PACRGL: variants seen among roughly 807,000 people sequenced by gnomAD.
PACRGL encodes PACRG-like protein.
A neutral mutation model predicts 34.5 loss-of-function variants in PACRGL; 38 were observed. The observed-to-expected ratio is 1.10, with a 90% CI of 0.85 to 1.44. The LOEUF is 1.44. Among genes scored for constraint, PACRGL ranks in the 40% most tolerant of loss-of-function variants. The pLI is 0.00. For synonymous variants in PACRGL, 128 were observed against 100.1 expected, an observed-to-expected ratio of 1.28 and a Z score of -1.66; for missense variants, 305 against 281.4, an observed-to-expected ratio of 1.08 and a Z score of -0.60.
At chr4:20,736,827 C>T (rs59886929), downstream of PACRGL, among the ~76,000 whole-genome samples, 760 of 152,202 alleles carry the variant, frequency 5.0e-3, 8 homozygotes, top group African/African-American at 0.017. Context: ...ATTCATATTG[C>T]AAGGGACCCT....
intron 7 of PACRGL, among the ~76,000 whole-genome samples, chr4:20,723,892 C>G (rs1456396360): frequency 1.3e-5 from 2 of 152,110 alleles, no homozygotes; most frequent in African/African-American, 2.4e-5. Flanking sequence ...AACTATGAGA[C>G]AGACACCACT....
chr4:20,704,654 T>A lies in PACRGL; in HGVS notation c.53-6T>A, dbSNP rs2149046619. On this transcript the variant is annotated splice_polypyrimidine_tract_variant and splice_region_variant and intron_variant, in intron 2 of 8. Coordinates refer to ENST00000503585, the MANE Select transcript of PACRGL (RefSeq NM_001258345.3). ...TGGTTTCTATTGATGTTCTGTTTTT[T>A]TCCAGGTAACTATGATCAAAGGACA... The A allele has an allele frequency of 3.7e-6, 6 of 1,614,068 alleles. No individual in the cohort carries two copies. Among genetic ancestry groups the A allele is most frequent in the Non-Finnish European group, 5.1e-6 (6 of 1,179,940 alleles).
At chr4:20,760,101 C>G in the PACRGL span, among the ~76,000 whole-genome samples, 1 of 152,148 alleles carries the variant, frequency 6.6e-6, no homozygotes, top group Non-Finnish European at 1.5e-5. Context: ...CACACACTTC[C>G]AACTAGTGTT....
chr4:20,743,490 G>A (rs1474434113), intron 8 of PACRGL, among the ~76,000 whole-genome samples: 3 of 152,118 alleles, frequency 2.0e-5, no homozygotes, highest in Non-Finnish European at 4.4e-5. Context: ...TCTGATCTTT[G>A]ACAAACCTGA....
At chr4:20,743,611 A>G (rs958078519) in intron 8 of PACRGL, among the ~76,000 whole-genome samples, 1 of 152,232 alleles carries the variant, frequency 6.6e-6, no homozygotes, top group Non-Finnish European at 1.5e-5. Flanking sequence ...CTTTATACAA[A>G]AATTAATTCA....
In PACRGL at chr4:20,738,129, C is replaced by CAAAA. The variant is rs200429048; in HGVS notation, c.*56+10745_*56+10748dup. 6.1e-5 allele frequency among the ~76,000 whole-genome samples: 7 copies of CAAAA among 115,560 alleles called. No individual in the cohort carries two copies. In the East Asian group the frequency reaches 1.0e-3, roughly 17 times the overall value. The allele number at this position is 115,560 out of a possible 152,430, so 75.8% of individuals were successfully genotyped here. ...TGGATGACAGACCAAGACTCTGTCT[C>CAAAA]AAAAAAAAAAAAAAAATCCTTAGCT... On this transcript the variant is annotated intron_variant, in intron 8 of 8. Coordinates refer to the PACRGL transcript ENST00000507634.
chr4:20,741,504 A>G (rs1238884689), intron 8 of PACRGL, among the ~76,000 whole-genome samples: 1 of 152,252 alleles, frequency 6.6e-6, no homozygotes, highest in Non-Finnish European at 1.5e-5. Context: ...AGAAATAAAG[A>G]TGTTCTTTGA....
chr4:20,744,530 C>T (rs1370447894), intron 8 of PACRGL, among the ~76,000 whole-genome samples: 2 of 151,998 alleles, frequency 1.3e-5, no homozygotes, highest in Admixed American at 1.3e-4. Context: ...GAAAACCAAA[C>T]ACCGCATGTT....
intron 8 of PACRGL, among the ~76,000 whole-genome samples, chr4:20,751,411 G>T (rs568390715): frequency 6.6e-6 from 1 of 152,148 alleles, no homozygotes; most frequent in Non-Finnish European, 1.5e-5. Context: ...TCAAGAATTG[G>T]CAGCCTATTT....
At chr4:20,759,336 C>T in the PACRGL span, among the ~76,000 whole-genome samples, 1 of 152,162 alleles carries the variant, frequency 6.6e-6, no homozygotes, top group South Asian at 2.1e-4. Context: ...TCTAGTGGCT[C>T]AAGAAGCTTC....
At chr4:20,716,516 A>T (rs1356576616) in intron 7 of PACRGL, among the ~76,000 whole-genome samples, 1 of 152,072 alleles carries the variant, frequency 6.6e-6, no homozygotes, top group East Asian at 1.9e-4. Flanking sequence ...CTGGTGTGTG[A>T]TGTTCCCCTT....
rs1452347409 is a variant in PACRGL at position 20,728,732 on chromosome 4, A to G, written c.*1391A>G. The stretch of plus-strand genomic sequence containing the variant: ...ATGTATTGTACTACTCTTAATTTCT[A>G]CACTGGTGATAGCAGGGCAGCTTTC... On this transcript the variant is annotated 3_prime_UTR_variant, in exon 9 of 9. Coordinates refer to ENST00000503585, the MANE Select transcript of PACRGL (RefSeq NM_001258345.3). 2 of 152,616 alleles carry G rather than the reference A, an allele frequency of 1.3e-5. No homozygotes were observed. Among genetic ancestry groups the G allele is most frequent in the African/African-American group, 2.4e-5 (1 of 41,456 alleles). 9.5% of individuals were successfully genotyped at this position (152,616 alleles called of 1,614,324 possible).
intron 1 of PACRGL, among the ~76,000 whole-genome samples, chr4:20,702,929 T>C (rs1339228955): frequency 6.6e-6 from 1 of 152,152 alleles, no homozygotes; most frequent in Non-Finnish European, 1.5e-5. Context: ...ATCAAGGAAA[T>C]TGAAATTATT....
the PACRGL span, chr4:20,767,214 A>G: frequency 1.3e-5 from 2 of 151,248 alleles, no homozygotes; most frequent in East Asian, 1.9e-4. Flanking sequence ...CAGCTTATGA[A>G]GTATATATGA....
chr4:20,757,155 A>G (rs574151346), downstream of PACRGL, among the ~76,000 whole-genome samples: 192 of 152,132 alleles, frequency 1.3e-3, 1 homozygote, highest in African/African-American at 4.3e-3. Flanking sequence ...AGGTATCACA[A>G]ACTCCTCTCT....
intron 8 of PACRGL, among the ~76,000 whole-genome samples, chr4:20,740,540 C>A (rs551588641): frequency 1.1e-4 from 16 of 152,100 alleles, no homozygotes; most frequent in Non-Finnish European, 1.8e-4. Flanking sequence ...ATTTTGTCAC[C>A]GCCAGGCCTG....
chr4:20,712,760 A>G, intron 5 of PACRGL, 28 bp from the exon 6 acceptor site: 1 of 1,427,074 alleles, frequency 7.0e-7, no homozygotes, highest in Non-Finnish European at 9.3e-7. Flanking sequence ...ATGGGTAGTA[A>G]ATCATGTTTC....
chr4:20,708,613 C>T (rs1417470057), intron 4 of PACRGL, among the ~76,000 whole-genome samples: 4 of 152,110 alleles, frequency 2.6e-5, no homozygotes, highest in Non-Finnish European at 5.9e-5. Flanking sequence ...CTCCCCACCC[C>T]TCCAAAACTT....
At chr4:20,735,265 A>AT (rs1408508945), downstream of PACRGL, among the ~76,000 whole-genome samples, 1 of 152,176 alleles carries the variant, frequency 6.6e-6, no homozygotes, top group African/African-American at 2.4e-5. Context: ...CTCCAGCTAT[A>AT]TTACTGGATG....
Sources: gnomAD v4.1 joint callset for allele counts (sites outside exome capture counted in the v4.1 genomes callset) on GRCh38, gnomAD v4.1.1 for gene constraint, MANE v1.5 for transcripts, NCBI Gene and HGNC (gene_info 2026-07-23, HGNC 2026-07-21) for gene names.